Variants in CELF2 observed in about 807,000 individuals in gnomAD.
The protein encoded by CELF2 is CUG triplet repeat RNA-binding protein 2.
CELF2 carries 8 observed loss-of-function variants against 62.6 expected under a neutral mutation model. That is an observed-to-expected ratio of 0.13 (90% CI 0.07 to 0.23). The LOEUF (loss-of-function observed/expected upper bound fraction) is 0.23. CELF2 is among the 10% of genes least tolerant of loss of function. The pLI, the probability that CELF2 is intolerant of heterozygous loss-of-function variation, is 1.00. For synonymous variants in CELF2, 258 were observed against 250.0 expected (o/e 1.03, Z -0.30); for missense variants, 333 against 671.0 (o/e 0.50, Z 5.56).
the CELF2 span, among the ~76,000 whole-genome samples, chr10:10,598,949 G>A: frequency 3.3e-5 from 5 of 151,142 alleles, no homozygotes; most frequent in African/African-American, 7.3e-5. Context: ...GATGGGGTTC[G>A]CCATGTTGGC....
the CELF2 span, among the ~76,000 whole-genome samples, chr10:10,565,090 G>C: frequency 3.9e-5 from 6 of 152,214 alleles, no homozygotes; most frequent in Non-Finnish European, 7.3e-5. Flanking sequence ...CAGAGCCCAT[G>C]TTCCTTAATT....
At chr10:11,132,382 G>C (rs767085881) in intron 1 of CELF2, among the ~76,000 whole-genome samples, 4 of 152,202 alleles carry the variant, frequency 2.6e-5, no homozygotes, top group Non-Finnish European at 5.9e-5. Flanking sequence ...GCATGTAAGA[G>C]AGTAGAATAT....
At chr10:11,166,459 G>A (rs1257275531) in intron 2 of CELF2, among the ~76,000 whole-genome samples, 1 of 152,338 alleles carries the variant, frequency 6.6e-6, no homozygotes, top group Non-Finnish European at 1.5e-5. Context: ...ATGCCCTGGA[G>A]TCTTACTTTG....
At chr10:11,304,678 G>A (rs768714463) in intron 9 of CELF2, among the ~76,000 whole-genome samples, 2 of 152,140 alleles carry the variant, frequency 1.3e-5, no homozygotes, top group East Asian at 1.9e-4. Flanking sequence ...ATTCATGAAC[G>A]GATTAATCCA....
At chr10:11,226,608 ACACACACACAC>A (rs1565414879) in intron 3 of CELF2, among the ~76,000 whole-genome samples, 10,051 of 147,518 alleles carry the variant, frequency 0.068, 401 homozygotes, top group Middle Eastern at 0.14. Flanking sequence ...GGCCACACAC[ACACACACACAC>A]ACACACACAC....
rs1403707980 is a variant in CELF2 at position 11,325,994 on chromosome 10, C to G, written c.1438+15C>G. The G allele has an allele frequency of 1.9e-6, 3 of 1,607,142 alleles. No individual in the cohort carries two copies. Among genetic ancestry groups the G allele is most frequent in the Non-Finnish European group, 2.5e-6 (3 of 1,177,426 alleles). On this transcript the variant is annotated intron_variant, in intron 12 of 12. Coordinates refer to ENST00000633077, the MANE Select transcript of CELF2 (RefSeq NM_001326342.2). Reference sequence around the variant, plus strand: ...CAAGTGCTTTGGTATGCAAAAGAAACTAAGCTAGTATATTGCAGTAGGTTC... The same window carrying G: ...CAAGTGCTTTGGTATGCAAAAGAAAGTAAGCTAGTATATTGCAGTAGGTTC...
chr10:10,544,112 C>G, the CELF2 span, among the ~76,000 whole-genome samples: 2 of 152,178 alleles, frequency 1.3e-5, no homozygotes, highest in Non-Finnish European at 2.9e-5. Flanking sequence ...CACCTATGAA[C>G]GTTCTGTTGC....
At chr10:10,724,150 C>T in the CELF2 span, among the ~76,000 whole-genome samples, 13 of 152,158 alleles carry the variant, frequency 8.5e-5, no homozygotes, top group Admixed American at 8.5e-4. Context: ...AAATTTCATT[C>T]TTTTATTTTA....
At position 10,934,807 on chromosome 10, in the gene CELF2, C is replaced by T. The variant is rs774089946; in HGVS notation, c.89+14808C>T. The T allele has an allele frequency of 5.9e-5, 9 of 152,066 alleles. No homozygotes were observed. Among genetic ancestry groups the T allele is most frequent in the Non-Finnish European group, 1.3e-4 (9 of 68,008 alleles). The allele number at this position is 152,066 out of a possible 1,614,324, so 9.4% of individuals were successfully genotyped here. ...CTTGTATGTTGTTTGCATGGAGGTT[C>T]GGTTGAAGTCATTTGGCACACCCAA... On this transcript the variant is annotated intron_variant, in intron 2 of 13. Transcript: ENST00000636488. This position sits in a 1 kb window ranked among gnomAD's most constrained non-coding sequence, Gnocchi z 4.4.
the CELF2 span, among the ~76,000 whole-genome samples, chr10:10,517,461 A>G: frequency 6.6e-6 from 1 of 152,220 alleles, no homozygotes; most frequent in African/African-American, 2.4e-5. Flanking sequence ...GACCCTGGTC[A>G]GCTCCATTCA....
chr10:10,954,421 T>A (rs1423911511), intron 2 of CELF2, among the ~76,000 whole-genome samples: 1 of 151,832 alleles, frequency 6.6e-6, no homozygotes, highest in African/African-American at 2.4e-5. Flanking sequence ...AATTTTTGTA[T>A]TTTTTTAGTA....
rs113284687 is a variant in CELF2, at chr10:10,924,261, A to C, written c.89+4262A>C. Among the ~76,000 whole-genome samples, 802 of 140,866 alleles carry C rather than the reference A, an allele frequency of 5.7e-3. 8 individuals are homozygous for C. The highest frequency in any genetic ancestry group is 0.021 in the African/African-American group (770 of 37,018). 92.4% of individuals were successfully genotyped at this position (140,866 alleles called of 152,430 possible). On this transcript the variant is annotated intron_variant, in intron 2 of 13. Transcript: ENST00000636488. ...CGCGCCACTGCACTCCAGCCTGGGCAACACAGCGAGACTCCGTCCCAAAAA... is the reference window on the plus strand; with the variant it reads ...CGCGCCACTGCACTCCAGCCTGGGCCACACAGCGAGACTCCGTCCCAAAAA...
chr10:11,230,095 C>T (rs1451314594), intron 3 of CELF2, among the ~76,000 whole-genome samples: 1 of 152,168 alleles, frequency 6.6e-6, no homozygotes. Flanking sequence ...GGTACTCAAG[C>T]AGCAGTCACG....
intron 1 of CELF2, among the ~76,000 whole-genome samples, chr10:11,038,548 T>C (rs2061331686): frequency 6.6e-6 from 1 of 152,212 alleles, no homozygotes; most frequent in Admixed American, 6.5e-5. Flanking sequence ...GTAGTAGTTA[T>C]GGTACTGGGA....
At chr10:10,519,751 G>T in the CELF2 span, among the ~76,000 whole-genome samples, 3 of 152,196 alleles carry the variant, frequency 2.0e-5, no homozygotes, top group East Asian at 5.8e-4. Flanking sequence ...CCCCGTGAAG[G>T]TTGCCTTTAC....
chr10:10,986,160 C>T (rs2052724957), intron 2 of CELF2, among the ~76,000 whole-genome samples: 1 of 151,870 alleles, frequency 6.6e-6, no homozygotes, highest in African/African-American at 2.4e-5. Flanking sequence ...TAGCACTTAT[C>T]TATACAGTGT....
At chr10:10,653,261 C>T in the CELF2 span, among the ~76,000 whole-genome samples, 5 of 151,746 alleles carry the variant, frequency 3.3e-5, no homozygotes, top group African/African-American at 7.3e-5. Flanking sequence ...CCCACACATT[C>T]ATAATGGGAG....
chr10:11,175,738 T>C (rs981060675), intron 2 of CELF2, among the ~76,000 whole-genome samples: 1 of 152,096 alleles, frequency 6.6e-6, no homozygotes, highest in Non-Finnish European at 1.5e-5. Flanking sequence ...GAACTGAATA[T>C]AGAACAGAAA....
chr10:11,321,155 G>A lies in CELF2; in HGVS notation c.1097-34G>A. ...TGGAAAGCACTAATGAATAAGTGCTGTTTCTCTTCTCTATTGTTGGGTTTT... is the reference window on the plus strand; with the variant it reads ...TGGAAAGCACTAATGAATAAGTGCTATTTCTCTTCTCTATTGTTGGGTTTT... On this transcript the variant is annotated intron_variant, in intron 10 of 12. Transcript: ENST00000633077. The surrounding 1 kb of genome is among the most constrained non-coding windows in gnomAD (Gnocchi z 6.2). 1.2e-6 allele frequency: 2 copies of A among 1,607,036 alleles called. No homozygotes were observed. The highest frequency in any genetic ancestry group is 1.7e-6 in the Non-Finnish European group (2 of 1,173,790).
Sources: allele counts gnomAD v4.1 joint callset (sites outside exome capture counted in the v4.1 genomes callset), GRCh38; gene constraint gnomAD v4.1.1; non-coding constraint Gnocchi (gnomAD v3.1); transcripts MANE v1.5; gene names NCBI Gene and HGNC (gene_info 2026-07-23, HGNC 2026-07-21).